HAS2: variants seen among roughly 807,000 people sequenced by gnomAD.
HAS2 encodes the protein hyaluronan synthase 2.
In HAS2, 16 loss-of-function variants were observed where a neutral mutation model predicts 51.6. The ratio of observed to expected loss-of-function variants is 0.31; its 90% confidence interval spans 0.21 to 0.47. HAS2 has a LOEUF of 0.47. Ranked by LOEUF, HAS2 falls within the 20% of genes least tolerant of loss-of-function variation. The probability of loss-of-function intolerance (pLI) is 1.00; values close to 1 mark genes in which losing one functional copy is unlikely to be tolerated. For missense variants in HAS2, 361 were observed against 662.6 expected, an observed-to-expected ratio of 0.54 and a Z score of 5.00; for synonymous variants, 228 against 235.5, an observed-to-expected ratio of 0.97 and a Z score of 0.29.
At chr8:121,620,341 G>A (rs1378330731) in intron 2 of HAS2, among the ~76,000 whole-genome samples, 3 of 152,078 alleles carry the variant, frequency 2.0e-5, no homozygotes, top group Admixed American at 1.3e-4. Context: ...CTCACTCATC[G>A]GTAACAAGTA....
chr8:121,618,347 A>G (rs1812733616), intron 2 of HAS2, among the ~76,000 whole-genome samples: 1 of 152,148 alleles, frequency 6.6e-6, no homozygotes, highest in African/African-American at 2.4e-5. Flanking sequence ...CTGCAGATAC[A>G]GTGTATGTCC....
At chr8:121,615,798 T>A (rs1812694344) in intron 3 of HAS2, among the ~76,000 whole-genome samples, 1 of 152,198 alleles carries the variant, frequency 6.6e-6, no homozygotes, top group Non-Finnish European at 1.5e-5. Flanking sequence ...ATCCACACTT[T>A]TTTTGCAATA....
At chr8:121,615,771 T>C (rs1369293304) in intron 3 of HAS2, among the ~76,000 whole-genome samples, 1 of 152,212 alleles carries the variant, frequency 6.6e-6, no homozygotes, top group Non-Finnish European at 1.5e-5. Flanking sequence ...CCTTGGCTAT[T>C]ACTTTTCCTC....
chr8:121,614,140 C>A lies in HAS2; in HGVS notation c.1628G>T (p.Gly543Val). Reference sequence around the variant, plus strand: ...ATCAAGCACCATGTCATATTGTTGTCCCTTCTTCCGCCTGCCACACTTATT... The same window carrying A: ...ATCAAGCACCATGTCATATTGTTGTACCTTCTTCCGCCTGCCACACTTATT... ...LINKCGRRKKGQQYDMVLDV is the reference protein window; with the variant it reads ...LINKCGRRKKVQQYDMVLDV Residue 543 changes from glycine to valine, a missense_variant, in exon 4 of 4, where the codon GGA becomes GTA. Gly to Val is a moderately radical substitution (Grantham distance 109). Around this residue, in one of 5 missense-constraint regions of HAS2, gnomAD observed 61 missense variants for 73.1 expected, o/e 0.84. Transcript: ENST00000303924. This position sits in a 1 kb window ranked among gnomAD's most constrained non-coding sequence, Gnocchi z 7.2. 6.2e-7 allele frequency: 1 copy of A among 1,614,058 alleles called. No homozygotes were observed. Among genetic ancestry groups the A allele is most frequent in the Non-Finnish European group, 8.5e-7 (1 of 1,179,962 alleles).
Position 121,614,291 on chromosome 8 carries a change from T to G in HAS2, c.1477A>C (p.Ile493Leu). 1 of 1,614,084 alleles carries G rather than the reference T, an allele frequency of 6.2e-7. No homozygotes were observed. The highest frequency in any genetic ancestry group is 8.5e-7 in the Non-Finnish European group (1 of 1,179,996). ...TTAGACTCCTTATAAATGGTGAAAATCACACCACCCAGGAGGATTGTAAAC... is the reference window on the plus strand; with the variant it reads ...TTAGACTCCTTATAAATGGTGAAAAGCACACCACCCAGGAGGATTGTAAAC... ...VWFTILLGGV[I>L]FTIYKESKRP... is the part of the protein sequence containing the mutation. The change falls in exon 4 of 4, where the codon ATT (isoleucine) becomes CTT (leucine). Residue 493 changes from isoleucine (I) to leucine (L), a missense_variant. By Grantham distance (5) the Ile-to-Leu change is conservative (BLOSUM62 2). This residue lies in a region of HAS2 where 61 missense variants were observed against 73.1 expected (regional missense o/e 0.84). Transcript: ENST00000303924. The surrounding 1 kb of genome is among the most constrained non-coding windows in gnomAD (Gnocchi z 7.2).
chr8:121,621,802 A>G (rs1316254804), intron 2 of HAS2, among the ~76,000 whole-genome samples: 2 of 152,194 alleles, frequency 1.3e-5, no homozygotes, highest in Non-Finnish European at 2.9e-5. Context: ...ATCCAAGTCT[A>G]AAATGCCAAA....
intron 1 of HAS2, among the ~76,000 whole-genome samples, chr8:121,632,258 T>C (rs955846909): frequency 1.3e-5 from 2 of 152,182 alleles, no homozygotes; most frequent in Admixed American, 6.5e-5. Context: ...TAATTTCCCC[T>C]GGGCAATTGC....
chr8:121,623,348 G>GA (rs1337357175), intron 2 of HAS2, among the ~76,000 whole-genome samples: 1 of 152,118 alleles, frequency 6.6e-6, no homozygotes, highest in Non-Finnish European at 1.5e-5. Flanking sequence ...GGAAAAGTGA[G>GA]AAACCAAATG....
intron 2 of HAS2, among the ~76,000 whole-genome samples, chr8:121,624,774 T>G (rs1467874265): frequency 6.6e-6 from 1 of 152,160 alleles, no homozygotes; most frequent in East Asian, 1.9e-4. Context: ...GCATGTTCAG[T>G]AAGAGACAGG....
rs71573616 is a variant in HAS2, at chr8:121,641,158, C to CTTTTTTTTTT, written c.-316_-307dup. ...TAACTTTTCTTTTTTCTTTTCTTTT[C>CTTTTTTTTTT]TTTTTTTTTTTTTTTTTTTTTTGGG... On this transcript the variant is annotated 5_prime_UTR_variant, in exon 1 of 4. Coordinates refer to ENST00000303924, the MANE Select transcript of HAS2 (RefSeq NM_005328.3). 2.4e-3 allele frequency: 134 copies of CTTTTTTTTTT among 57,014 alleles called. 1 individual carries two copies. The highest frequency in any genetic ancestry group is 2.9e-3 in the Non-Finnish European group (90 of 30,852). The allele number at this position is 57,014 out of a possible 1,614,324, so 3.5% of individuals were successfully genotyped here.
Position 121,641,046 on chromosome 8 carries a change from T to C in HAS2, c.-194A>G, listed in dbSNP as rs1813089379. ...TCTTAAATGTTTGATTCTTCCCCAC[T>C]TTAAAAAATAATTTCACTAATATTC... is the stretch of plus-strand genomic sequence containing the variant. On this transcript the variant is annotated 5_prime_UTR_variant, in exon 1 of 4. Coordinates refer to ENST00000303924, the MANE Select transcript of HAS2 (RefSeq NM_005328.3). 1 of 151,798 alleles carries C rather than the reference T, an allele frequency of 6.6e-6. No individual in the cohort carries two copies. Among genetic ancestry groups the C allele is most frequent in the African/African-American group, 2.4e-5 (1 of 41,278 alleles). The allele number at this position is 151,798 out of a possible 1,614,324, so 9.4% of individuals were successfully genotyped here. A position where few individuals can be genotyped will look rare whatever the true frequency, so the allele number is the denominator to read the frequency against.
intron 1 of HAS2, among the ~76,000 whole-genome samples, chr8:121,633,573 A>G (rs747392062): frequency 6.6e-6 from 1 of 152,198 alleles, no homozygotes; most frequent in Non-Finnish European, 1.5e-5. Flanking sequence ...AAGAGACATG[A>G]AAAGTGGTTG....
chr8:121,639,999 G>C (rs543604688), intron 1 of HAS2: 4 of 152,196 alleles, frequency 2.6e-5, no homozygotes, highest in African/African-American at 9.6e-5. Context: ...GTGCCACGTC[G>C]GAATTGGCTC....
chr8:121,617,585 A>AG (rs1331632886), intron 2 of HAS2, among the ~76,000 whole-genome samples: 1 of 152,004 alleles, frequency 6.6e-6, no homozygotes, highest in Non-Finnish European at 1.5e-5. Context: ...GGTCTGTTTA[A>AG]GAAAAAAAAA....
At chr8:121,633,508 G>A (rs1812963519) in intron 1 of HAS2, among the ~76,000 whole-genome samples, 1 of 152,078 alleles carries the variant, frequency 6.6e-6, no homozygotes, top group African/African-American at 2.4e-5. Flanking sequence ...ACAGACACAA[G>A]GCTAGCCAAT....
At position 121,628,856 on chromosome 8, in the gene HAS2, T is replaced by G; in HGVS notation, c.485A>C (p.Glu162Ala). ...FHEKGPGETD[E>A]SHKESSQHVT... ...GTGTTGCGAGCTTTCTTTATGTGAC[T>G]CATCTGTCTCACCGGGACCCTTTTC... The change falls in exon 2 of 4, where the codon GAG becomes GCG. Residue 162 changes from glutamate to alanine, a missense_variant. Glu to Ala is a moderately radical substitution (Grantham distance 107, BLOSUM62 -1). Coordinates refer to ENST00000303924, the MANE Select transcript of HAS2 (RefSeq NM_005328.3). 6.2e-7 allele frequency: 1 copy of G among 1,614,142 alleles called. No individual in the cohort carries two copies. Among genetic ancestry groups the G allele is most frequent in the Non-Finnish European group, 8.5e-7 (1 of 1,180,002 alleles).
intron 1 of HAS2, among the ~76,000 whole-genome samples, chr8:121,636,194 G>A (rs925429826): frequency 1.3e-5 from 2 of 152,164 alleles, no homozygotes; most frequent in African/African-American, 4.8e-5. Flanking sequence ...GCAACCACTA[G>A]GTTAAAGTAA....
At chr8:121,615,368 G>A (rs981930845) in intron 3 of HAS2, among the ~76,000 whole-genome samples, 1 of 151,946 alleles carries the variant, frequency 6.6e-6, no homozygotes, top group African/African-American at 2.4e-5. Flanking sequence ...ATGGAGTCTC[G>A]CTCTGTCACC....
chr8:121,631,948 C>T (rs1033142214), intron 1 of HAS2, among the ~76,000 whole-genome samples: 22 of 152,342 alleles, frequency 1.4e-4, no homozygotes, highest in Non-Finnish European at 2.4e-4. Flanking sequence ...TATCAGCACA[C>T]GTGGACATAG....
Sources: gnomAD v4.1 joint callset for allele counts (sites outside exome capture counted in the v4.1 genomes callset) on GRCh38, gnomAD v4.1.1 for gene constraint, gnomAD v4.1.1 regional missense constraint, Gnocchi (gnomAD v3.1) non-coding constraint, MANE v1.5 for transcripts, NCBI Gene and HGNC (gene_info 2026-07-23, HGNC 2026-07-21) for gene names.